The following STOX1 variants were observed in gnomAD, a reference collection of about 807,000 sequenced individuals.
STOX1 encodes storkhead box 1.
Under a neutral mutation model 74.8 loss-of-function variants are expected in STOX1, and 57 were observed. That is an observed-to-expected ratio of 0.76 (90% confidence interval 0.62 to 0.95). The LOEUF is 0.95. Ranked by LOEUF, STOX1 falls within the 40% of genes least tolerant of loss-of-function variation. The probability of loss-of-function intolerance (pLI) is 0.00; values close to 1 mark genes in which losing one functional copy is unlikely to be tolerated. For missense variants in STOX1, 1,010 were observed against 1,117.0 expected, an observed-to-expected ratio of 0.90 and a Z score of 1.37; for synonymous variants, 375 against 401.3, an observed-to-expected ratio of 0.93 and a Z score of 0.78.
In STOX1 at chr10:68,884,549, C is replaced by T. The variant is rs1475130904; in HGVS notation, c.753C>T (p.His251=). Residue 251 remains histidine (H), a synonymous_variant, in exon 3 of 4, where the codon CAC becomes CAT. Coordinates refer to ENST00000298596, the MANE Select transcript of STOX1 (RefSeq NM_152709.5). ...CQSCQCFRDM[H]TQDVQEAPVA... is the part of the protein sequence containing the mutation. ...CTTGCCAGTGTTTCCGGGACATGCACACTCAGGATGTTCAGGAAGCACCAG... is the reference window on the plus strand; with the variant it reads ...CTTGCCAGTGTTTCCGGGACATGCATACTCAGGATGTTCAGGAAGCACCAG... 6.2e-6 allele frequency: 10 copies of T among 1,613,782 alleles called. No homozygotes were observed. Among genetic ancestry groups the T allele is most frequent in the South Asian group, 2.2e-5 (2 of 91,084 alleles).
chr10:68,894,167 C>G (rs770091100), downstream of STOX1, among the ~76,000 whole-genome samples: 2 of 151,942 alleles, frequency 1.3e-5, no homozygotes, highest in Non-Finnish European at 2.9e-5. Context: ...TCAAGCGATT[C>G]TCCTGCCTCA....
Position 68,886,547 on chromosome 10 carries a change from A to G in STOX1, c.2751A>G (p.Gln917=), listed in dbSNP as rs776417525. 4 of 1,614,228 alleles carry G rather than the reference A, an allele frequency of 2.5e-6. No individual in the cohort carries two copies. Among genetic ancestry groups the G allele is most frequent in the East Asian group, 2.2e-5 (1 of 44,888 alleles). Residue 917 remains glutamine (Q), a synonymous_variant, in exon 3 of 4, where the codon CAA becomes CAG. Transcript: ENST00000298596. ...TGCCAGTGTTGGCTCAGGATGTCCAATATGAACACAGTCACTTGGAAGGGA... is the reference window on the plus strand; with the variant it reads ...TGCCAGTGTTGGCTCAGGATGTCCAGTATGAACACAGTCACTTGGAAGGGA... ...SHMPVLAQDV[Q]YEHSHLEGTE...
intron 1 of STOX1, chr10:68,828,998 G>A (rs998524701): frequency 1.0e-6 from 1 of 985,316 alleles, no homozygotes; most frequent in African/African-American, 1.7e-5. Context: ...CCAGGCAGGT[G>A]TGTCAGCTCC....
chr10:68,840,284 A>G (rs1839660741), intron 1 of STOX1, among the ~76,000 whole-genome samples: 1 of 152,260 alleles, frequency 6.6e-6, no homozygotes, highest in Non-Finnish European at 1.5e-5. Flanking sequence ...TTTGGATATG[A>G]CACCAAAAGC....
At chr10:68,873,592 A>T (rs1589232039) in intron 1 of STOX1, among the ~76,000 whole-genome samples, 1 of 105,692 alleles carries the variant, frequency 9.5e-6, no homozygotes, top group Non-Finnish European at 1.9e-5. Flanking sequence ...CCTGAGTTTT[A>T]GAAAAATTTC....
chr10:68,848,251 G>A (rs1459320477), intron 1 of STOX1, among the ~76,000 whole-genome samples: 1 of 152,194 alleles, frequency 6.6e-6, no homozygotes, highest in Non-Finnish European at 1.5e-5. Flanking sequence ...GCAGAGGCAA[G>A]GAGCCTGGCC....
At chr10:68,830,829 T>C (rs1229254157) in intron 1 of STOX1, among the ~76,000 whole-genome samples, 1 of 152,132 alleles carries the variant, frequency 6.6e-6, no homozygotes, top group African/African-American at 2.4e-5. Flanking sequence ...GAGTGATGGA[T>C]ACACATGGGG....
intron 1 of STOX1, among the ~76,000 whole-genome samples, chr10:68,847,320 C>A (rs1839877854): frequency 6.6e-6 from 1 of 152,168 alleles, no homozygotes; most frequent in African/African-American, 2.4e-5. Context: ...AGAGCATCAG[C>A]AGACACATGT....
intron 1 of STOX1, among the ~76,000 whole-genome samples, chr10:68,853,948 G>A (rs1735801920): frequency 6.6e-6 from 1 of 151,438 alleles, no homozygotes; most frequent in South Asian, 2.1e-4. Context: ...GCCTCCCAAA[G>A]TGCTGGGATC....
At chr10:68,833,899 T>C (rs1839476277) in intron 1 of STOX1, among the ~76,000 whole-genome samples, 1 of 152,236 alleles carries the variant, frequency 6.6e-6, no homozygotes, top group Non-Finnish European at 1.5e-5. Flanking sequence ...CAGATTTGCC[T>C]CTGCTCAAGG....
chr10:68,836,485 A>G (rs1248446915), intron 1 of STOX1, among the ~76,000 whole-genome samples: 1 of 152,226 alleles, frequency 6.6e-6, no homozygotes, highest in Non-Finnish European at 1.5e-5. Flanking sequence ...ACTTATGTTC[A>G]AGACCTCCGT....
At chr10:68,866,537 C>G (rs12412524) in intron 1 of STOX1, among the ~76,000 whole-genome samples, 42,755 of 152,112 alleles carry the variant, frequency 0.28, 6,508 homozygotes, top group African/African-American at 0.39. Flanking sequence ...GTGCTATACA[C>G]TCTCCCAGTT....
At chr10:68,836,761 G>T (rs1278075284) in intron 1 of STOX1, among the ~76,000 whole-genome samples, 1 of 152,202 alleles carries the variant, frequency 6.6e-6, no homozygotes, top group Non-Finnish European at 1.5e-5. Context: ...CTGTTGACTG[G>T]CTAAGCCTTC....
At chr10:68,861,368 C>T (rs1174694889) in intron 1 of STOX1, among the ~76,000 whole-genome samples, 4 of 152,120 alleles carry the variant, frequency 2.6e-5, no homozygotes, top group East Asian at 1.9e-4. Context: ...AGGCATAGAT[C>T]GCTCATGCCA....
intron 1 of STOX1, among the ~76,000 whole-genome samples, chr10:68,873,406 G>A (rs1227931080): frequency 1.3e-5 from 2 of 151,562 alleles, no homozygotes; most frequent in Non-Finnish European, 2.9e-5. Flanking sequence ...GACTCCAGGC[G>A]GCCGCCACCA....
rs911067552 is a variant in STOX1, at chr10:68,880,598, C to CTT, written c.311-1351_311-1350dup. ...TGTTGACCACTATTTTTTTGAAGCC[C>CTT]TTTTTTTTTTCATACTTTTGGTATG... On this transcript the variant is annotated intron_variant, in intron 1 of 3. Coordinates refer to ENST00000298596, the MANE Select transcript of STOX1 (RefSeq NM_152709.5). 4.0e-5 allele frequency among the ~76,000 whole-genome samples: 6 copies of CTT among 149,232 alleles called. No homozygotes were observed. The East Asian group carries it at 9.7e-4, about 24-fold the overall frequency.
chr10:68,843,594 G>T (rs1346198077), intron 1 of STOX1, among the ~76,000 whole-genome samples: 1 of 151,992 alleles, frequency 6.6e-6, no homozygotes, highest in South Asian at 2.1e-4. Flanking sequence ...TGGCTGGAGT[G>T]CAATGGAGCG....
downstream of STOX1, among the ~76,000 whole-genome samples, chr10:68,894,560 A>G (rs143031102): frequency 4.4e-3 from 664 of 152,272 alleles, 2 homozygotes; most frequent in Non-Finnish European, 8.2e-3. Context: ...TTAGAAGATT[A>G]ATTGTTGTCA....
chr10:68,865,648 C>T (rs1159820973), intron 1 of STOX1, among the ~76,000 whole-genome samples: 3 of 151,866 alleles, frequency 2.0e-5, no homozygotes, highest in African/African-American at 4.8e-5. Context: ...GACTCCATCT[C>T]GAAACAAAAA....
Sources: allele counts gnomAD v4.1 joint callset (sites outside exome capture counted in the v4.1 genomes callset), GRCh38; gene constraint gnomAD v4.1.1; transcripts MANE v1.5; gene names NCBI Gene and HGNC (gene_info 2026-07-23, HGNC 2026-07-21).